MKRN2OS: variants seen among roughly 807,000 people sequenced by gnomAD.
MKRN2OS encodes the protein MKRN2 opposite strand protein.
A neutral mutation model predicts 18.2 loss-of-function variants in MKRN2OS; 17 were observed. The observed-to-expected ratio is 0.93, with a 90% confidence interval of 0.64 to 1.40. The LOEUF (loss-of-function observed/expected upper bound fraction) is 1.40. Among genes scored for constraint, MKRN2OS ranks in the 40% most tolerant of loss-of-function variants. The probability of loss-of-function intolerance (pLI) is 0.00; values close to 1 mark genes in which losing one functional copy is unlikely to be tolerated. For missense variants in MKRN2OS, 337 were observed against 283.0 expected, an observed-to-expected ratio of 1.19 and a Z score of -1.37; for synonymous variants, 121 against 108.5, an observed-to-expected ratio of 1.12 and a Z score of -0.72.
chr3:12,543,705 G>GGTTTAGT (rs1255842751), intron 1 of MKRN2OS, among the ~76,000 whole-genome samples: 1,825 of 152,066 alleles, frequency 0.012, 28 homozygotes, highest in African/African-American at 0.042. Context: ...GGAAAACATT[G>GGTTTAGT]CGAAACCTCG....
At position 12,540,182 on chromosome 3, in the gene MKRN2OS, T is replaced by TTACA; in HGVS notation, c.*7_*10dup. 1 of 1,536,118 alleles carries TTACA rather than the reference T, an allele frequency of 6.5e-7. No individual in the cohort carries two copies. The highest frequency in any genetic ancestry group is 8.7e-7 in the Non-Finnish European group (1 of 1,146,896). On this transcript the variant is annotated 3_prime_UTR_variant, in exon 4 of 4. Coordinates refer to ENST00000564146, the MANE Select transcript of MKRN2OS (RefSeq NM_001195279.2). ...CTACCCTCCAGCGTCCAGGCTGCGC[T>TTACA]TACATAGCTCTCAGCACAAACCGCC...
Position 12,540,582 on chromosome 3 carries a change from G to A in MKRN2OS, c.432-149C>T, listed in dbSNP as rs955448529. Reference sequence around the variant, plus strand: ...TTATGTGGTTAAGAAGCTTCAAGATGTGCACTTCAGGCCGGGTGCGGTGGC... The same window carrying A: ...TTATGTGGTTAAGAAGCTTCAAGATATGCACTTCAGGCCGGGTGCGGTGGC... On this transcript the variant is annotated intron_variant, in intron 3 of 3. Coordinates refer to ENST00000564146, the MANE Select transcript of MKRN2OS (RefSeq NM_001195279.2). The A allele has an allele frequency of 1.3e-5, 12 of 915,840 alleles. No homozygotes were observed. In the African/African-American group the frequency reaches 1.8e-4, roughly 14 times the overall value. 56.7% of individuals were successfully genotyped at this position (915,840 alleles called of 1,614,324 possible).
intron 2 of MKRN2OS, among the ~76,000 whole-genome samples, chr3:12,542,572 A>G (rs2057829321): frequency 6.6e-6 from 1 of 152,090 alleles, no homozygotes; most frequent in Non-Finnish European, 1.5e-5. Context: ...CTGCCTCACC[A>G]TATCCAGGCT....
downstream of MKRN2OS, among the ~76,000 whole-genome samples, chr3:12,551,653 A>G (rs534682998): frequency 2.6e-5 from 4 of 152,320 alleles, no homozygotes; most frequent in African/African-American, 9.6e-5. Context: ...AAAAAAATCA[A>G]GGCCAGGCAT....
At position 12,542,641 on chromosome 3, in the gene MKRN2OS, C is replaced by T. The variant is rs559945333; in HGVS notation, c.268+539G>A. Reference sequence around the variant, plus strand: ...TTCCTGCAGACAAGAAAGCTTCTGGCTGAAGGGTTGCACACTGCCCTCAGA... The same window carrying T: ...TTCCTGCAGACAAGAAAGCTTCTGGTTGAAGGGTTGCACACTGCCCTCAGA... On this transcript the variant is annotated intron_variant, in intron 2 of 3. Coordinates refer to ENST00000564146, the MANE Select transcript of MKRN2OS (RefSeq NM_001195279.2). Among the ~76,000 whole-genome samples, 371 of 150,490 alleles carry T rather than the reference C, an allele frequency of 2.5e-3. 4 individuals are homozygous for T. In the Middle Eastern group the frequency reaches 0.028, roughly 11 times the overall value.
Position 12,540,264 on chromosome 3 carries a change from C to T in MKRN2OS, c.601G>A (p.Glu201Lys). ...KFITLYRAIR[E>K]HGFYVTDCPQ... ...CAGTCAGTGACGTAGAAGCCATGCTCCCGTATCGCCCGGTAGAGTGTGATG... is the reference window on the plus strand; with the variant it reads ...CAGTCAGTGACGTAGAAGCCATGCTTCCGTATCGCCCGGTAGAGTGTGATG... Residue 201 changes from glutamate (E) to lysine (K), a missense_variant, in exon 4 of 4, where the codon GAG becomes AAG. Physicochemically the swap from Glu to Lys is moderately conservative, Grantham distance 56 (BLOSUM62 1). Coordinates refer to ENST00000564146, the MANE Select transcript of MKRN2OS (RefSeq NM_001195279.2). 6.5e-7 allele frequency: 1 copy of T among 1,536,146 alleles called. No individual in the cohort carries two copies. The highest frequency in any genetic ancestry group is 1.4e-5 in the African/African-American group (1 of 73,162).
chr3:12,542,664 A>G (rs2057830224), intron 2 of MKRN2OS, among the ~76,000 whole-genome samples: 1 of 151,186 alleles, frequency 6.6e-6, no homozygotes, highest in African/African-American at 2.4e-5. Flanking sequence ...CACTGCCCTC[A>G]GAGCTATAGG....
intron 1 of MKRN2OS, among the ~76,000 whole-genome samples, chr3:12,557,584 T>G (rs1189733948): frequency 1.3e-5 from 2 of 152,240 alleles, no homozygotes; most frequent in Non-Finnish European, 2.9e-5. Context: ...TAGGAGTAAT[T>G]TGTTAATCGA....
At chr3:12,542,717 A>AC (rs1443758981) in intron 2 of MKRN2OS, among the ~76,000 whole-genome samples, 1 of 126,946 alleles carries the variant, frequency 7.9e-6, no homozygotes. Context: ...TCCTTAAAAA[A>AC]AAAAAAAAAA....
intron 1 of MKRN2OS, among the ~76,000 whole-genome samples, chr3:12,555,036 G>A (rs1303465612): frequency 2.0e-5 from 3 of 152,210 alleles, no homozygotes; most frequent in Non-Finnish European, 4.4e-5. Context: ...TGGGCTGGGC[G>A]CGGTGGCTCT....
intron 3 of MKRN2OS, 88 bp from the exon 4 acceptor site, chr3:12,540,521 G>C: frequency 6.7e-7 from 1 of 1,493,288 alleles, no homozygotes; most frequent in Non-Finnish European, 9.0e-7. Flanking sequence ...ACTGAAATCG[G>C]GTGCCTCAGC....
exon 2 of MKRN2OS, chr3:12,554,050 C>T (rs2057948149): frequency 6.6e-6 from 1 of 152,282 alleles, no homozygotes; most frequent in South Asian, 2.1e-4. Flanking sequence ...GGCAGCCACC[C>T]TTCTCTTCTG....
Position 12,543,161 on chromosome 3 carries a change from G to A in MKRN2OS, c.268+19C>T. 1.3e-6 allele frequency: 2 copies of A among 1,531,268 alleles called. No homozygotes were observed. Among genetic ancestry groups the A allele is most frequent in the Non-Finnish European group, 1.7e-6 (2 of 1,143,428 alleles). The allele number at this position is 1,531,268 out of a possible 1,614,324, so 94.9% of individuals were successfully genotyped here. On this transcript the variant is annotated intron_variant, in intron 2 of 3. Coordinates refer to ENST00000564146, the MANE Select transcript of MKRN2OS (RefSeq NM_001195279.2). ...TTGCTGGGTAGTAGGGGTTTTTTAAGCTACAAAACTGCACTTACCATTTGT... is the reference window on the plus strand; with the variant it reads ...TTGCTGGGTAGTAGGGGTTTTTTAAACTACAAAACTGCACTTACCATTTGT...
chr3:12,548,467 AAAAAAAAAAAAAAAAC>A (rs1471239622), upstream of MKRN2OS, among the ~76,000 whole-genome samples: 41 of 115,492 alleles, frequency 3.6e-4, no homozygotes, highest in East Asian at 8.6e-4. Flanking sequence ...AAAAAAAAAA[AAAAAAAAAAAAAAAAC>A]CAGCCGAGCG....
upstream of MKRN2OS, among the ~76,000 whole-genome samples, chr3:12,548,564 G>A (rs916898933): frequency 3.3e-5 from 5 of 152,080 alleles, no homozygotes; most frequent in Admixed American, 6.5e-5. Flanking sequence ...CCCAGGAGGC[G>A]GAGGTTGCAG....
At chr3:12,560,478 T>A (rs1319378952) in intron 1 of MKRN2OS, among the ~76,000 whole-genome samples, 46 of 124,924 alleles carry the variant, frequency 3.7e-4, no homozygotes, top group South Asian at 8.5e-4. Context: ...TAGGAAAATG[T>A]AAAAAAAAAA....
upstream of MKRN2OS, chr3:12,545,531 C>T (rs78148408): frequency 4.4e-3 from 5,308 of 1,206,788 alleles, 17 homozygotes; most frequent in Non-Finnish European, 5.0e-3. Context: ...ATACACCTGG[C>T]GAATGCACAC....
At chr3:12,553,627 A>G (rs1035004800), downstream of MKRN2OS, 1 of 152,198 alleles carries the variant, frequency 6.6e-6, no homozygotes, top group African/African-American at 2.4e-5. Flanking sequence ...GATGTACACT[A>G]TTACTACTTC....
intron 1 of MKRN2OS, among the ~76,000 whole-genome samples, chr3:12,556,592 G>C (rs940969242): frequency 1.3e-5 from 2 of 152,130 alleles, no homozygotes; most frequent in African/African-American, 4.8e-5. Flanking sequence ...AAAACTTGTG[G>C]AAGTAGAGAT....
Sources: gnomAD v4.1 joint callset for allele counts (sites outside exome capture counted in the v4.1 genomes callset) on GRCh38, gnomAD v4.1.1 for gene constraint, MANE v1.5 for transcripts, NCBI Gene and HGNC (gene_info 2026-07-23, HGNC 2026-07-21) for gene names.